The following ZSWIM5 variants were observed in gnomAD, a reference collection of about 807,000 sequenced individuals.
The protein encoded by ZSWIM5 is zinc finger SWIM-type containing 5, also known as zinc finger SWIM domain-containing protein 5.
ZSWIM5 carries 55 observed loss-of-function variants against 119.6 expected under a neutral mutation model. The ratio of observed to expected loss-of-function variants is 0.46; its 90% CI spans 0.37 to 0.58. The LOEUF (loss-of-function observed/expected upper bound fraction) is 0.58, where lower values mean the gene tolerates loss of function less well. ZSWIM5 is among the 20% of genes least tolerant of loss of function. The pLI is 0.00. For synonymous variants in ZSWIM5, 537 were observed against 606.9 expected (o/e 0.88, Z 1.69); for missense variants, 1,193 against 1,512.8 (o/e 0.79, Z 3.51).
chr1:45,023,198 T>C (rs1241789973), intron 11 of ZSWIM5, among the ~76,000 whole-genome samples: 2 of 152,190 alleles, frequency 1.3e-5, no homozygotes, highest in African/African-American at 2.4e-5. Context: ...TATAAAATAG[T>C]TTCACCTCTC....
At chr1:45,031,767 G>C (rs373510285) in intron 11 of ZSWIM5, among the ~76,000 whole-genome samples, 37 of 151,810 alleles carry the variant, frequency 2.4e-4, no homozygotes, top group Admixed American at 1.7e-3. Context: ...ATGAACCTAG[G>C]GGGTGGAGCT....
At chr1:45,020,600 T>C (rs998418) in intron 12 of ZSWIM5, 25 bp downstream of exon 12, 1,159,130 of 1,608,860 alleles carry the variant, frequency 0.72, 420,916 homozygotes, top group Middle Eastern at 0.76. Context: ...GTCTAAACTG[T>C]GGATGGCCTA....
chr1:45,136,292 C>A (rs1645688793), intron 1 of ZSWIM5, among the ~76,000 whole-genome samples: 1 of 152,024 alleles, frequency 6.6e-6, no homozygotes, highest in African/African-American at 2.4e-5. Flanking sequence ...TAATTTATTT[C>A]ATATATTAAA....
At chr1:45,093,572 A>T (rs1645380303) in intron 1 of ZSWIM5, among the ~76,000 whole-genome samples, 2 of 152,230 alleles carry the variant, frequency 1.3e-5, no homozygotes, top group Non-Finnish European at 2.9e-5. Flanking sequence ...GCCTAGGCCC[A>T]TCTGAAAGGC....
At chr1:45,085,464 T>G (rs755599569) in intron 2 of ZSWIM5, among the ~76,000 whole-genome samples, 7 of 152,168 alleles carry the variant, frequency 4.6e-5, no homozygotes, top group Non-Finnish European at 1.0e-4. Context: ...GGCTGAAAAT[T>G]TTCCAAACTT....
At chr1:45,177,347 C>G (rs906076934) in intron 1 of ZSWIM5, among the ~76,000 whole-genome samples, 1 of 152,054 alleles carries the variant, frequency 6.6e-6, no homozygotes, top group South Asian at 2.1e-4. Flanking sequence ...CTATGGCCAA[C>G]CCCCTTTTCC....
At chr1:45,087,694 A>C (rs1212932247) in intron 2 of ZSWIM5, among the ~76,000 whole-genome samples, 187 bp downstream of exon 2, 1 of 152,216 alleles carries the variant, frequency 6.6e-6, no homozygotes, top group African/African-American at 2.4e-5. Flanking sequence ...GGACTGTTTT[A>C]AGAAACTTAG....
chr1:45,191,071 C>A (rs915357832), intron 1 of ZSWIM5, among the ~76,000 whole-genome samples: 1 of 151,236 alleles, frequency 6.6e-6, no homozygotes, highest in African/African-American at 2.4e-5. Context: ...CTCAGCCTCC[C>A]GAGTAGCTGG....
At chr1:45,076,126 C>T (rs907730048) in intron 2 of ZSWIM5, among the ~76,000 whole-genome samples, 2 of 152,078 alleles carry the variant, frequency 1.3e-5, no homozygotes, top group Admixed American at 6.6e-5. Context: ...ATAGTTTAGT[C>T]TTTCTACTTA....
chr1:45,176,775 C>T (rs1645984168), intron 1 of ZSWIM5, among the ~76,000 whole-genome samples: 1 of 151,922 alleles, frequency 6.6e-6, no homozygotes, highest in African/African-American at 2.4e-5. Context: ...CACTTCACCC[C>T]ATCTGAACAC....
chr1:45,047,558 T>C (rs112154830), intron 5 of ZSWIM5, among the ~76,000 whole-genome samples: 3,088 of 152,240 alleles, frequency 0.02, 109 homozygotes, highest in African/African-American at 0.071. Flanking sequence ...GAATAATTCA[T>C]GGAGAGTGAA....
chr1:45,035,655 T>C, intron 10 of ZSWIM5, 33 bp downstream of exon 10: 3 of 1,607,562 alleles, frequency 1.9e-6, no homozygotes, highest in Non-Finnish European at 2.5e-6. Context: ...TCTGCTTTGG[T>C]GGAGGCAATT....
chr1:45,188,087 C>G (rs1245486821), intron 1 of ZSWIM5, among the ~76,000 whole-genome samples: 1 of 152,198 alleles, frequency 6.6e-6, no homozygotes, highest in Non-Finnish European at 1.5e-5. Flanking sequence ...AACAATTCTA[C>G]TCTTAGATGT....
chr1:45,046,665 T>TAC (rs201250816), intron 5 of ZSWIM5, among the ~76,000 whole-genome samples: 3,012 of 151,808 alleles, frequency 0.02, 105 homozygotes, highest in African/African-American at 0.069. Context: ...TGTGTGTGTA[T>TAC]ACACATATAT....
Position 45,168,872 on chromosome 1 carries a change from A to T in ZSWIM5, c.595+36884T>A, listed in dbSNP as rs1017195724. On this transcript the variant is annotated intron_variant, in intron 1 of 13. Transcript: ENST00000359600. ...AGAACAGAGGAAAGGACATCTAGGT[A>T]AAATGGCATATGTGATTTGCAATTT... 7.2e-5 allele frequency among the ~76,000 whole-genome samples: 11 copies of T among 152,232 alleles called. 1 individual carries two copies. The East Asian group carries it at 2.1e-3, about 29-fold the overall frequency.
intron 10 of ZSWIM5, among the ~76,000 whole-genome samples, chr1:45,034,884 C>T (rs373997982): frequency 1.5e-4 from 23 of 152,136 alleles, no homozygotes; most frequent in African/African-American, 5.6e-4. Flanking sequence ...CAGGCTCAAG[C>T]GATCCTCCCA....
At chr1:45,132,017 A>G (rs1489709670) in intron 1 of ZSWIM5, among the ~76,000 whole-genome samples, 2 of 150,644 alleles carry the variant, frequency 1.3e-5, no homozygotes, top group Non-Finnish European at 3.0e-5. Context: ...GGAGTTGATC[A>G]GGTATTCTAA....
intron 2 of ZSWIM5, among the ~76,000 whole-genome samples, chr1:45,067,451 A>AAAAAAGAAAG (rs1553191166): frequency 7.3e-6 from 1 of 136,682 alleles, no homozygotes; most frequent in African/African-American, 2.8e-5. Context: ...AAAAAAAAAA[A>AAAAAAGAAAG]AAAGAAAGAA....
At chr1:45,111,722 T>C (rs187352716) in intron 1 of ZSWIM5, among the ~76,000 whole-genome samples, 1 of 152,252 alleles carries the variant, frequency 6.6e-6, no homozygotes, top group Non-Finnish European at 1.5e-5. Flanking sequence ...CAATCTGACA[T>C]TGAATCTCTT....
Sources: allele counts gnomAD v4.1 joint callset (sites outside exome capture counted in the v4.1 genomes callset), GRCh38; gene constraint gnomAD v4.1.1; transcripts MANE v1.5; gene names NCBI Gene and HGNC (gene_info 2026-07-23, HGNC 2026-07-21).